Variants in CSGALNACT1 observed in about 807,000 individuals in gnomAD.
CSGALNACT1 encodes chondroitin sulfate N-acetylgalactosaminyltransferase 1, also known as beta4GalNAcT-1.
In CSGALNACT1, 52 loss-of-function variants were observed where a neutral mutation model predicts 51.0. The ratio of observed to expected loss-of-function variants is 1.02; its 90% CI spans 0.82 to 1.29. The LOEUF (loss-of-function observed/expected upper bound fraction) is 1.29, where lower values mean the gene tolerates loss of function less well. Ranked by LOEUF, CSGALNACT1 falls within the 50% of genes most tolerant of loss-of-function variation. CSGALNACT1 has a pLI of 0.00. For synonymous variants in CSGALNACT1, 341 were observed against 254.4 expected (o/e 1.34, Z -3.24); for missense variants, 935 against 679.2 (o/e 1.38, Z -4.19).
At chr8:19,630,583 T>C (rs1353274875) in intron 1 of CSGALNACT1, among the ~76,000 whole-genome samples, 1 of 152,204 alleles carries the variant, frequency 6.6e-6, no homozygotes, top group African/African-American at 2.4e-5. Context: ...CATTACAGTA[T>C]CAGGCAGCAT....
intron 1 of CSGALNACT1, among the ~76,000 whole-genome samples, chr8:19,622,733 G>A (rs537747630): frequency 6.6e-6 from 1 of 152,090 alleles, no homozygotes; most frequent in Admixed American, 6.5e-5. Context: ...AAAATAATGT[G>A]TAATTAATAA....
At chr8:19,428,464 G>C (rs2059126848) in intron 6 of CSGALNACT1, among the ~76,000 whole-genome samples, 1 of 152,098 alleles carries the variant, frequency 6.6e-6, no homozygotes, top group African/African-American at 2.4e-5. Flanking sequence ...ACCACCATGA[G>C]AACTGTGTGG....
rs1225729154 is a variant in CSGALNACT1 at position 19,557,562 on chromosome 8, C to T, written c.-297+33598G>A. Among the ~76,000 whole-genome samples, 9 of 152,290 alleles carry T rather than the reference C, an allele frequency of 5.9e-5. No individual in the cohort carries two copies. In the East Asian group the frequency reaches 9.7e-4, roughly 16 times the overall value. On this transcript the variant is annotated intron_variant, in intron 3 of 9. Coordinates refer to ENST00000454498, the Ensembl canonical transcript of CSGALNACT1. ...GCCTATTCGTTGTTTTGGGGACACA[C>T]CAGCATTTGTACTTTCTCTTTTTCT... is the stretch of plus-strand genomic sequence containing the variant.
chr8:19,529,561 T>C (rs944758387), intron 3 of CSGALNACT1, among the ~76,000 whole-genome samples: 4 of 152,100 alleles, frequency 2.6e-5, no homozygotes, highest in African/African-American at 9.7e-5. Context: ...CTAATAAATA[T>C]CAGGAATAGT....
At chr8:19,576,109 C>T (rs1329964151) in intron 3 of CSGALNACT1, among the ~76,000 whole-genome samples, 1 of 152,048 alleles carries the variant, frequency 6.6e-6, no homozygotes, top group Admixed American at 6.6e-5. Context: ...GTGCAGGCTC[C>T]TCTGATGATA....
chr8:19,711,662 C>A (rs1704655973), intron 1 of CSGALNACT1, among the ~76,000 whole-genome samples: 1 of 152,184 alleles, frequency 6.6e-6, no homozygotes, highest in African/African-American at 2.4e-5. Flanking sequence ...TAACACCTGG[C>A]AGATGCCTGC....
At chr8:19,558,687 C>A (rs911518819) in intron 3 of CSGALNACT1, among the ~76,000 whole-genome samples, 1 of 152,218 alleles carries the variant, frequency 6.6e-6, no homozygotes, top group South Asian at 2.1e-4. Flanking sequence ...ACTGACTCAA[C>A]GCTTAAACTA....
chr8:19,459,428 TCAGATGAAC>T (rs2064892250), intron 4 of CSGALNACT1, among the ~76,000 whole-genome samples: 1 of 151,136 alleles, frequency 6.6e-6, no homozygotes, highest in Non-Finnish European at 1.5e-5. Context: ...TATGTCCATT[TCAGATGAAC>T]TGACCATAGT....
At chr8:19,523,779 TA>T (rs966067430) in intron 3 of CSGALNACT1, among the ~76,000 whole-genome samples, 8 of 151,936 alleles carry the variant, frequency 5.3e-5, no homozygotes, top group African/African-American at 1.9e-4. Flanking sequence ...CTCACCAGGG[TA>T]ATGGGGAGTG....
chr8:19,441,960 T>C (rs1171846457), intron 5 of CSGALNACT1, among the ~76,000 whole-genome samples: 1 of 152,118 alleles, frequency 6.6e-6, no homozygotes, highest in Non-Finnish European at 1.5e-5. Context: ...CAAAAACACA[T>C]GAAAAAATGA....
intron 4 of CSGALNACT1, among the ~76,000 whole-genome samples, chr8:19,475,497 G>A (rs1467962407): frequency 5.3e-5 from 8 of 152,218 alleles, no homozygotes; most frequent in South Asian, 2.1e-4. Context: ...GAAAGCCCCC[G>A]GAGAACAGCT....
intron 1 of CSGALNACT1, among the ~76,000 whole-genome samples, chr8:19,729,363 T>C (rs2063566910): frequency 6.6e-6 from 1 of 152,232 alleles, no homozygotes; most frequent in Admixed American, 6.5e-5. Flanking sequence ...CAACCATTCC[T>C]ATGCATGGTT....
At chr8:19,717,972 C>G (rs2062906553) in intron 1 of CSGALNACT1, among the ~76,000 whole-genome samples, 1 of 152,190 alleles carries the variant, frequency 6.6e-6, no homozygotes, top group Admixed American at 6.5e-5. Context: ...ATAACTACCC[C>G]TGCCCCATCC....
intron 1 of CSGALNACT1, among the ~76,000 whole-genome samples, chr8:19,676,762 G>A (rs1350132323): frequency 6.6e-6 from 1 of 152,206 alleles, no homozygotes; most frequent in Non-Finnish European, 1.5e-5. Context: ...ACATTGGCAA[G>A]AGGAAGAGAA....
chr8:19,708,254 G>A (rs949299970), intron 1 of CSGALNACT1, among the ~76,000 whole-genome samples: 2 of 152,214 alleles, frequency 1.3e-5, no homozygotes, highest in South Asian at 2.1e-4. Flanking sequence ...TGCACAGCAC[G>A]TAGGTCTGAG....
chr8:19,591,153 G>C (rs935088877), intron 3 of CSGALNACT1: 1 of 152,214 alleles, frequency 6.6e-6, no homozygotes, highest in African/African-American at 2.4e-5. Flanking sequence ...TCAGGACCTG[G>C]ACCCACCTCC....
chr8:19,703,462 C>G (rs953646794), intron 1 of CSGALNACT1, among the ~76,000 whole-genome samples: 8 of 152,122 alleles, frequency 5.3e-5, no homozygotes, highest in Non-Finnish European at 2.9e-5. Flanking sequence ...TGCCACCAAG[C>G]CCGGCTAATT....
At chr8:19,588,160 A>G (rs1263069251) in intron 3 of CSGALNACT1, 1 of 151,818 alleles carries the variant, frequency 6.6e-6, no homozygotes, top group African/African-American at 2.4e-5. Flanking sequence ...ACACCATTAC[A>G]CTCTAGCCTA....
chr8:19,480,437 G>A (rs1348395056), intron 4 of CSGALNACT1, among the ~76,000 whole-genome samples: 1 of 152,168 alleles, frequency 6.6e-6, no homozygotes, highest in Non-Finnish European at 1.5e-5. Context: ...TTCCTGCAAA[G>A]GACATGATCT....
Sources: gnomAD v4.1 joint callset for allele counts (sites outside exome capture counted in the v4.1 genomes callset) on GRCh38, gnomAD v4.1.1 for gene constraint, MANE v1.5 for transcripts, NCBI Gene and HGNC (gene_info 2026-07-23, HGNC 2026-07-21) for gene names.